Variants in WWOX observed in about 807,000 individuals in gnomAD.
The protein encoded by WWOX is WW domain-containing oxidoreductase.
Under a neutral mutation model 46.2 loss-of-function variants are expected in WWOX, and 69 were observed. That is an observed-to-expected ratio of 1.49 (90% CI 1.23 to 1.82). The LOEUF is 1.82. WWOX is among the 40% of genes most tolerant of loss of function. The pLI is 0.00. For synonymous variants in WWOX, 359 were observed against 202.6 expected, an observed-to-expected ratio of 1.77 and a Z score of -6.56; for missense variants, 919 against 542.6, an observed-to-expected ratio of 1.69 and a Z score of -6.89.
At chr16:78,998,709 A>G (rs907297027) in intron 8 of WWOX, among the ~76,000 whole-genome samples, 7 of 152,228 alleles carry the variant, frequency 4.6e-5, no homozygotes, top group Non-Finnish European at 1.0e-4. Flanking sequence ...CATTATCGTT[A>G]TTAACTGATG....
chr16:79,043,380 C>G (rs1012458529), intron 8 of WWOX, among the ~76,000 whole-genome samples: 4 of 152,036 alleles, frequency 2.6e-5, no homozygotes, highest in African/African-American at 7.2e-5. Context: ...TTGATTTGTT[C>G]TTTGTGGATT....
chr16:78,811,684 C>A (rs2051193366), intron 8 of WWOX, among the ~76,000 whole-genome samples: 1 of 151,972 alleles, frequency 6.6e-6, no homozygotes, highest in African/African-American at 2.4e-5. Flanking sequence ...TTGTCCTCTT[C>A]TTATAAGGCT....
In WWOX at chr16:78,543,998, A is replaced by T. The variant is rs78092107; in HGVS notation, c.1056+111246A>T. Among the ~76,000 whole-genome samples the T allele has an allele frequency of 2.6e-5, 4 of 152,300 alleles. No homozygotes were observed. In the East Asian group the frequency reaches 7.7e-4, roughly 29 times the overall value. ...GTGATTAAAGAGAATTTGTAGATAG[A>T]CTTACATCCCTCAGTTTCAAAGCTT... On this transcript the variant is annotated intron_variant, in intron 8 of 8. Coordinates refer to ENST00000566780, the MANE Select transcript of WWOX (RefSeq NM_016373.4).
intron 8 of WWOX, among the ~76,000 whole-genome samples, chr16:78,549,952 G>A (rs1223304078): frequency 4.6e-5 from 7 of 152,126 alleles, no homozygotes; most frequent in Admixed American, 4.6e-4. Flanking sequence ...GAAAAGTCAG[G>A]AGAGGAGGAC....
chr16:79,036,766 A>G (rs557382804), intron 8 of WWOX, among the ~76,000 whole-genome samples: 2 of 152,216 alleles, frequency 1.3e-5, no homozygotes, highest in Admixed American at 6.5e-5. Flanking sequence ...GGCATGCTGC[A>G]TATCTGTCAT....
chr16:78,763,725 T>A (rs906614992), intron 8 of WWOX, among the ~76,000 whole-genome samples: 2 of 152,204 alleles, frequency 1.3e-5, no homozygotes, highest in African/African-American at 4.8e-5. Flanking sequence ...TTCACGAGTT[T>A]TGTCTCAATT....
At chr16:78,463,350 T>C (rs2083998738) in intron 8 of WWOX, among the ~76,000 whole-genome samples, 3 of 152,214 alleles carry the variant, frequency 2.0e-5, no homozygotes, top group Non-Finnish European at 4.4e-5. Flanking sequence ...ATTGCCAGGC[T>C]GGTTAAAAAG....
At chr16:78,820,894 A>T (rs1165325970) in intron 8 of WWOX, among the ~76,000 whole-genome samples, 2 of 152,234 alleles carry the variant, frequency 1.3e-5, no homozygotes, top group East Asian at 3.9e-4. Flanking sequence ...GAAACACCAC[A>T]TTCTAATCTC....
chr16:79,132,748 C>G (rs1041460706), intron 8 of WWOX, among the ~76,000 whole-genome samples: 2 of 152,156 alleles, frequency 1.3e-5, no homozygotes, highest in African/African-American at 2.4e-5. Flanking sequence ...ACACTCAAGC[C>G]TCTTTAATTC....
At chr16:78,967,550 C>A (rs537156021) in intron 8 of WWOX, among the ~76,000 whole-genome samples, 19 of 150,304 alleles carry the variant, frequency 1.3e-4, no homozygotes, top group African/African-American at 1.2e-4. Flanking sequence ...GGTGATCCAC[C>A]CATCTTGGCC....
intron 8 of WWOX, among the ~76,000 whole-genome samples, chr16:79,165,602 C>A (rs1184455570): frequency 1.3e-5 from 2 of 152,164 alleles, no homozygotes; most frequent in Non-Finnish European, 1.5e-5. Context: ...AGTTCAGAGG[C>A]AGTGAAAGCG....
At chr16:79,159,723 C>T (rs564028534) in intron 8 of WWOX, among the ~76,000 whole-genome samples, 1 of 152,294 alleles carries the variant, frequency 6.6e-6, no homozygotes, top group East Asian at 1.9e-4. Context: ...TAAACGCATG[C>T]TCAATCTAGT....
At chr16:78,578,742 G>A (rs2044971043) in intron 8 of WWOX, among the ~76,000 whole-genome samples, 1 of 152,126 alleles carries the variant, frequency 6.6e-6, no homozygotes, top group African/African-American at 2.4e-5. Context: ...AACATAACAA[G>A]TAAATGGAAA....
intron 8 of WWOX, among the ~76,000 whole-genome samples, chr16:78,475,265 T>A (rs1026631582): frequency 4.6e-5 from 7 of 152,214 alleles, no homozygotes; most frequent in Non-Finnish European, 1.0e-4. Flanking sequence ...CATCTTTATC[T>A]TCTCCTCCCT....
intron 8 of WWOX, among the ~76,000 whole-genome samples, chr16:78,620,797 A>G (rs1428693450): frequency 6.6e-6 from 1 of 152,058 alleles, no homozygotes; most frequent in Non-Finnish European, 1.5e-5. Flanking sequence ...TATAAATATC[A>G]CTACTATAAA....
chr16:78,782,197 G>A (rs930997675), intron 8 of WWOX, among the ~76,000 whole-genome samples: 2 of 151,966 alleles, frequency 1.3e-5, no homozygotes, highest in East Asian at 1.9e-4. Context: ...TCCTCTTCAG[G>A]CCACCTATCC....
At chr16:79,058,651 G>C (rs1357037831) in intron 8 of WWOX, among the ~76,000 whole-genome samples, 1 of 152,130 alleles carries the variant, frequency 6.6e-6, no homozygotes, top group Non-Finnish European at 1.5e-5. Context: ...TTGGATATGT[G>C]ATTTATATAA....
At chr16:78,388,689 G>C (rs1459416840) in intron 6 of WWOX, among the ~76,000 whole-genome samples, 2 of 147,916 alleles carry the variant, frequency 1.4e-5, no homozygotes, top group East Asian at 2.1e-4. Context: ...TTTGTACTCA[G>C]CCTGGCGTGG....
chr16:79,130,570 C>G (rs1034850930), intron 8 of WWOX, among the ~76,000 whole-genome samples: 7 of 152,146 alleles, frequency 4.6e-5, no homozygotes, highest in African/African-American at 1.4e-4. Flanking sequence ...GGTAATCTTA[C>G]ATTGCTCAGA....
Sources: gnomAD v4.1 joint callset for allele counts (sites outside exome capture counted in the v4.1 genomes callset) on GRCh38, gnomAD v4.1.1 for gene constraint, MANE v1.5 for transcripts, NCBI Gene and HGNC (gene_info 2026-07-23, HGNC 2026-07-21) for gene names.